The following HEATR5B variants were observed in gnomAD, a reference collection of about 807,000 sequenced individuals.
HEATR5B encodes the protein HEAT repeat containing 5B.
A neutral mutation model predicts 224.1 loss-of-function variants in HEATR5B; 156 were observed. That is an observed-to-expected ratio of 0.70 (90% CI 0.61 to 0.80). HEATR5B has a LOEUF of 0.80. Among genes scored for constraint, HEATR5B ranks in the 30% least tolerant of loss-of-function variants. HEATR5B has a pLI of 0.00. For missense variants in HEATR5B, 2,323 were observed against 2,535.5 expected, an observed-to-expected ratio of 0.92 and a Z score of 1.80; for synonymous variants, 1,027 against 893.0, an observed-to-expected ratio of 1.15 and a Z score of -2.68.
chr2:37,068,756 A>G lies in HEATR5B; in HGVS notation c.1102T>C (p.Leu368=). The G allele has an allele frequency of 6.2e-7, 1 of 1,614,122 alleles. No homozygotes were observed. The highest frequency in any genetic ancestry group is 8.5e-7 in the Non-Finnish European group (1 of 1,180,012). Residue 368 remains leucine, a synonymous_variant, in exon 8 of 36, where the codon TTG becomes CTG. Transcript: ENST00000233099. ...SFILRATVGS[L]LGEKAQIAAA... is the part of the protein sequence containing the mutation. ...GCAATCTGGGCTTTTTCACCTAGCAAACTGCCCACAGTAGCTCTTAGGATA... is the reference window on the plus strand; with the variant it reads ...GCAATCTGGGCTTTTTCACCTAGCAGACTGCCCACAGTAGCTCTTAGGATA...
intron 14 of HEATR5B, among the ~76,000 whole-genome samples, chr2:37,058,017 G>T (rs79757803): frequency 0.034 from 5,234 of 152,150 alleles, 124 homozygotes; most frequent in Non-Finnish European, 0.052. Flanking sequence ...CATAATATTT[G>T]ATTTCTCCCT....
chr2:37,057,380 A>G lies in HEATR5B; in HGVS notation c.2160T>C (p.Tyr720=), dbSNP rs769110839. Residue 720 remains tyrosine (Y), a synonymous_variant, in exon 15 of 36, where the codon TAT becomes TAC. Transcript: ENST00000233099. The part of the protein sequence containing the change: ...TTSLLRSLCH[Y]DDSVLLGSWL... The stretch of plus-strand genomic sequence containing the variant: ...AAGAACCAAGAAGAACACTATCATC[A>G]TAATGGCAGAGGGATCTGAGGAGGG... 2.5e-6 allele frequency: 4 copies of G among 1,612,818 alleles called. No individual in the cohort carries two copies. In the Admixed American group the frequency reaches 5.0e-5, roughly 20 times the overall value.
intron 22 of HEATR5B, among the ~76,000 whole-genome samples, chr2:37,030,996 G>A (rs1669094598): frequency 6.6e-6 from 1 of 152,184 alleles, no homozygotes; most frequent in African/African-American, 2.4e-5. Flanking sequence ...CCGAACTTTT[G>A]GTATGTGCCA....
chr2:37,068,913 C>A lies in HEATR5B; in HGVS notation c.945G>T (p.Val315=), dbSNP rs1053865962. 13 of 1,613,334 alleles carry A rather than the reference C, an allele frequency of 8.1e-6. No individual in the cohort carries two copies. The highest frequency in any genetic ancestry group is 9.3e-6 in the Non-Finnish European group (11 of 1,179,438). Residue 315 remains valine, a synonymous_variant, in exon 8 of 36, where the codon GTG becomes GTT. Coordinates refer to ENST00000233099, the MANE Select transcript of HEATR5B (RefSeq NM_019024.3). ...VGVTQAYVVF[V]TTLGGQWLER... is the part of the protein sequence containing the mutation. ...CCAACCACTGACCACCCAATGTTGT[C>A]ACAAAAACAACATACGCCTGTAAAA...
rs1553431138 is a variant in HEATR5B, at chr2:37,037,145, G to GATATATATATATATATATATATAT, written c.3216+709_3216+710insATATATATATATATATATATATAT. Among the ~76,000 whole-genome samples, 355 of 89,130 alleles carry GATATATATATATATATATATATAT rather than the reference G, an allele frequency of 4.0e-3. 28 individuals carry two copies. The highest frequency in any genetic ancestry group is 7.7e-3 in the African/African-American group (202 of 26,404). The allele number at this position is 89,130 out of a possible 152,430, so 58.5% of individuals were successfully genotyped here. A position where few individuals can be genotyped will look rare whatever the true frequency, so the allele number is the denominator to read the frequency against. ...TTCCGAGTAGGAAAACTAAAAATGT[G>GATATATATATATATATATATATAT]ATATATATATATATTTTGGAGATGG... On this transcript the variant is annotated intron_variant, in intron 21 of 35. Coordinates refer to ENST00000233099, the MANE Select transcript of HEATR5B (RefSeq NM_019024.3).
At chr2:36,983,272 G>C (rs933042171) in intron 35 of HEATR5B, among the ~76,000 whole-genome samples, 4 of 151,714 alleles carry the variant, frequency 2.6e-5, no homozygotes, top group African/African-American at 9.7e-5. Flanking sequence ...GCTCATGCCT[G>C]TAATCCTAGC....
intron 21 of HEATR5B, 110 bp from the exon 22 acceptor site, chr2:37,032,883 T>TG (rs1308624560): frequency 2.1e-6 from 2 of 953,108 alleles, no homozygotes; most frequent in African/African-American, 3.5e-5. Context: ...TGTTTTGTTT[T>TG]GTTTTTTTTT....
At chr2:37,025,127 C>T (rs1668687947) in intron 24 of HEATR5B, among the ~76,000 whole-genome samples, 1 of 152,112 alleles carries the variant, frequency 6.6e-6, no homozygotes, top group South Asian at 2.1e-4. Flanking sequence ...ATATACTCTG[C>T]CATGACTGTT....
At chr2:36,988,925 G>A in intron 34 of HEATR5B, 66 bp from the exon 35 acceptor site, 4 of 1,185,942 alleles carry the variant, frequency 3.4e-6, no homozygotes, top group Non-Finnish European at 5.0e-6. Flanking sequence ...CAATCACATT[G>A]CATCTTACTA....
chr2:36,988,858 A>AC lies in HEATR5B; in HGVS notation c.5698dup (p.Val1900GlyfsTer34). 6.2e-7 allele frequency: 1 copy of AC among 1,611,560 alleles called. No homozygotes were observed. Among genetic ancestry groups the AC allele is most frequent in the South Asian group, 1.1e-5 (1 of 91,034 alleles). ...GAGAAGCTGGTAACATTTGGCTTGA[A>AC]CCTATATAAGAAGAACATATTATCA... is the stretch of plus-strand genomic sequence containing the variant. On this transcript the variant is annotated frameshift_variant and splice_region_variant, in exon 35 of 36. Coordinates refer to ENST00000233099, the MANE Select transcript of HEATR5B (RefSeq NM_019024.3). LOFTEE classifies it high-confidence loss of function.
chr2:37,014,802 C>A (rs1328526469), intron 26 of HEATR5B, among the ~76,000 whole-genome samples: 1 of 151,544 alleles, frequency 6.6e-6, no homozygotes, highest in African/African-American at 2.4e-5. Context: ...CATGGTGAAA[C>A]CCCATCTCTA....
intron 35 of HEATR5B, among the ~76,000 whole-genome samples, chr2:36,986,463 A>G (rs971552490): frequency 6.6e-6 from 1 of 152,146 alleles, no homozygotes; most frequent in Non-Finnish European, 1.5e-5. Flanking sequence ...TTATTATTTT[A>G]TAGAGGAGCT....
rs765086462 is a variant in HEATR5B, at chr2:37,011,910, G to C, written c.4284+1931C>G. On this transcript the variant is annotated intron_variant, in intron 27 of 35. Transcript: ENST00000233099. ...GCCCAGAAATGGAATCACTGGGTCA[G>C]TGTTTACAAATATTTTTATGACTCT... Among the ~76,000 whole-genome samples, 50 of 152,124 alleles carry C rather than the reference G, an allele frequency of 3.3e-4. 1 individual carries two copies. The highest frequency in any genetic ancestry group is 7.4e-5 in the Non-Finnish European group (5 of 68,016).
At chr2:37,006,659 A>G (rs1035731155) in intron 29 of HEATR5B, among the ~76,000 whole-genome samples, 2 of 152,226 alleles carry the variant, frequency 1.3e-5, no homozygotes, top group Non-Finnish European at 2.9e-5. Context: ...AAACAAAAAA[A>G]CAAGAAACAA....
chr2:37,010,767 G>A (rs1308384054), intron 27 of HEATR5B, among the ~76,000 whole-genome samples: 1 of 151,950 alleles, frequency 6.6e-6, no homozygotes, highest in Non-Finnish European at 1.5e-5. Flanking sequence ...ATCCTTCTCA[G>A]CCTCCCCAAG....
At chr2:36,984,517 G>A (rs1312579867) in intron 35 of HEATR5B, among the ~76,000 whole-genome samples, 3 of 151,736 alleles carry the variant, frequency 2.0e-5, no homozygotes, top group Admixed American at 1.3e-4. Flanking sequence ...GGGTAAAATC[G>A]GAGTGAGCTA....
intron 29 of HEATR5B, 79 bp from the exon 30 acceptor site, chr2:37,005,838 T>G (rs1667381129): frequency 8.5e-7 from 1 of 1,176,244 alleles, no homozygotes; most frequent in Admixed American, 2.6e-5. Context: ...TCTTCTCTAT[T>G]TATGTTTTTA....
chr2:37,065,957 G>C, intron 8 of HEATR5B, 47 bp from the exon 9 acceptor site: 1 of 1,550,386 alleles, frequency 6.5e-7, no homozygotes, highest in Non-Finnish European at 8.8e-7. Context: ...ATGAATTGTG[G>C]TATGATTTTT....
chr2:37,071,359 A>G (rs534782717), intron 6 of HEATR5B, among the ~76,000 whole-genome samples: 1 of 152,332 alleles, frequency 6.6e-6, no homozygotes, highest in African/African-American at 2.4e-5. Context: ...CACCCCTGAG[A>G]TATCTCTACG....
Sources: gnomAD v4.1 joint callset for allele counts (sites outside exome capture counted in the v4.1 genomes callset) on GRCh38, gnomAD v4.1.1 for gene constraint, MANE v1.5 for transcripts, NCBI Gene and HGNC (gene_info 2026-07-23, HGNC 2026-07-21) for gene names.